Variants in AMMECR1 observed in about 807,000 individuals in gnomAD.
AMMECR1 encodes the protein AMMECR nuclear protein 1.
A neutral mutation model predicts 22.5 loss-of-function variants in AMMECR1; 3 were observed. That is an observed-to-expected ratio of 0.13 (90% CI 0.06 to 0.35). The LOEUF is 0.35. AMMECR1 is among the 10% of genes least tolerant of loss of function. The probability of loss-of-function intolerance (pLI) is 1.00; values close to 1 mark genes in which losing one functional copy is unlikely to be tolerated. For synonymous variants in AMMECR1, 130 were observed against 116.7 expected (o/e 1.11, Z -0.74); for missense variants, 235 against 278.7 (o/e 0.84, Z 1.12).
chrX:110,266,717 C>T (rs1215064030), intron 1 of AMMECR1, among the ~76,000 whole-genome samples: 4 of 108,097 alleles, frequency 3.7e-5, no homozygotes, highest in African/African-American at 1.4e-4. Flanking sequence ...ACTTTAAGTT[C>T]TGGGGTACAT....
intron 2 of AMMECR1, among the ~76,000 whole-genome samples, chrX:110,404,655 C>T (rs940992809): frequency 1.8e-5 from 2 of 111,435 alleles, no homozygotes; most frequent in Non-Finnish European, 3.8e-5. Context: ...TTGGGAGAAC[C>T]GGCCTTGTTT....
At chrX:110,266,700 A>T (rs1010935016) in intron 1 of AMMECR1, among the ~76,000 whole-genome samples, 53 of 105,788 alleles carry the variant, frequency 5.0e-4, no homozygotes, top group African/African-American at 1.5e-3. Flanking sequence ...TTTTTTTTTT[A>T]AATTATACTT....
At chrX:110,265,502 A>G (rs957991526) in intron 1 of AMMECR1, among the ~76,000 whole-genome samples, 3 of 112,173 alleles carry the variant, frequency 2.7e-5, no homozygotes, top group Non-Finnish European at 5.6e-5. Context: ...AGTTTAATAC[A>G]GTAGATGCTT....
chrX:110,275,101 A>G (rs1443911252), intron 1 of AMMECR1, among the ~76,000 whole-genome samples: 2 of 111,626 alleles, frequency 1.8e-5, no homozygotes, highest in Non-Finnish European at 1.9e-5. Context: ...ACTTTTAAAG[A>G]AATTTTTTAA....
intron 2 of AMMECR1, among the ~76,000 whole-genome samples, chrX:110,389,198 A>G (rs1288874623): frequency 8.9e-6 from 1 of 112,873 alleles, no homozygotes; most frequent in Admixed American, 9.3e-5. Context: ...CAAATCTCCA[A>G]GGAAATATAG....
At chrX:110,276,620 T>G (rs1249460334) in intron 1 of AMMECR1, among the ~76,000 whole-genome samples, 2 of 111,800 alleles carry the variant, frequency 1.8e-5, no homozygotes, top group African/African-American at 6.5e-5. Context: ...GCCCTGGGTG[T>G]TCAACAAGGG....
At chrX:110,224,580 C>T (rs1317106246) in intron 2 of AMMECR1, among the ~76,000 whole-genome samples, 3 of 111,119 alleles carry the variant, frequency 2.7e-5, no homozygotes, top group African/African-American at 9.8e-5. Flanking sequence ...AAGTAAGGTA[C>T]ATCTTCATCA....
At chrX:110,225,542 A>C (rs1040897936) in intron 2 of AMMECR1, among the ~76,000 whole-genome samples, 2 of 112,523 alleles carry the variant, frequency 1.8e-5, no homozygotes, top group Non-Finnish European at 3.8e-5. Flanking sequence ...ATAGGTTGGA[A>C]TATCCCTTAT....
intron 2 of AMMECR1, among the ~76,000 whole-genome samples, chrX:110,355,106 C>A (rs1160930773): frequency 8.9e-6 from 1 of 112,323 alleles, no homozygotes; most frequent in Non-Finnish European, 1.9e-5. Flanking sequence ...ATGTATCTGA[C>A]AAGGGGCTAA....
At chrX:110,271,179 C>T (rs1374353773) in intron 1 of AMMECR1, among the ~76,000 whole-genome samples, 7 of 111,930 alleles carry the variant, frequency 6.3e-5, no homozygotes, top group African/African-American at 2.3e-4. Flanking sequence ...ATAGCCTGTA[C>T]CCCACAGGGC....
upstream of AMMECR1, among the ~76,000 whole-genome samples, chrX:110,318,804 A>G (rs1273792467): frequency 1.8e-5 from 2 of 111,914 alleles, no homozygotes; most frequent in Non-Finnish European, 3.8e-5. Flanking sequence ...AGAAATATTC[A>G]AGTCCGACTG....
intron 3 of AMMECR1, among the ~76,000 whole-genome samples, chrX:110,213,776 A>AT (rs780856626): frequency 2.7e-5 from 3 of 111,491 alleles, no homozygotes; most frequent in Admixed American, 1.9e-4. Context: ...TAAGGTACAT[A>AT]TTTTTTTAAG....
chrX:110,384,590 C>A (rs915955338), intron 2 of AMMECR1, among the ~76,000 whole-genome samples: 4 of 111,139 alleles, frequency 3.6e-5, no homozygotes, highest in African/African-American at 9.8e-5. Context: ...ACTTGAGGAT[C>A]AAGGGAATCC....
At chrX:110,385,878 C>T (rs1478296627) in intron 2 of AMMECR1, among the ~76,000 whole-genome samples, 1 of 111,446 alleles carries the variant, frequency 9.0e-6, no homozygotes, top group Admixed American at 9.5e-5. Context: ...TCCATGTGTA[C>T]CCAGTGTTTA....
At chrX:110,330,408 C>T (rs1403412825) in intron 2 of AMMECR1, among the ~76,000 whole-genome samples, 3 of 111,624 alleles carry the variant, frequency 2.7e-5, no homozygotes, top group Non-Finnish European at 3.8e-5. Context: ...TAGTGTTACT[C>T]AAGGTGTGGT....
At chrX:110,353,549 T>A in intron 2 of AMMECR1, among the ~76,000 whole-genome samples, 1 of 112,296 alleles carries the variant, frequency 8.9e-6, no homozygotes, top group Non-Finnish European at 1.9e-5. Flanking sequence ...AATTTCCTTT[T>A]GAAATTTCCT....
At chrX:110,242,455 A>T (rs914003663) in intron 2 of AMMECR1, among the ~76,000 whole-genome samples, 2 of 111,803 alleles carry the variant, frequency 1.8e-5, no homozygotes, top group East Asian at 5.6e-4. Context: ...TCTCCAAAAT[A>T]GTATTGGCCA....
Position 110,197,221 on chromosome X carries a change from T to C in AMMECR1, c.*1299A>G, listed in dbSNP as rs1482682019. The C allele has an allele frequency of 8.9e-6, 1 of 112,346 alleles. No homozygotes were observed. Among genetic ancestry groups the C allele is most frequent in the East Asian group, 2.8e-4 (1 of 3,581 alleles). 9.3% of individuals were successfully genotyped at this position (112,346 alleles called of 1,213,427 possible). ...TTCACAGGTGTGACATAACATCTTA[T>C]CAATGTAGTAAATGTGTTTCTATCA... On this transcript the variant is annotated 3_prime_UTR_variant, in exon 6 of 6. Transcript: ENST00000262844.
At chrX:110,233,321 G>C (rs768537519) in intron 2 of AMMECR1, among the ~76,000 whole-genome samples, 2 of 112,034 alleles carry the variant, frequency 1.8e-5, no homozygotes, top group East Asian at 5.6e-4. Flanking sequence ...AACAGGCTCT[G>C]AAATTGAGGC....
Sources: allele counts gnomAD v4.1 joint callset (sites outside exome capture counted in the v4.1 genomes callset), GRCh38; gene constraint gnomAD v4.1.1; transcripts MANE v1.5; gene names NCBI Gene and HGNC (gene_info 2026-07-23, HGNC 2026-07-21).